The following KMT2C variants were observed in gnomAD, a reference collection of about 807,000 sequenced individuals.
The protein encoded by KMT2C is lysine methyltransferase 2C.
A neutral mutation model predicts 507.9 loss-of-function variants in KMT2C; 88 were observed. The observed-to-expected ratio is 0.17, with a 90% confidence interval of 0.15 to 0.21. KMT2C has a LOEUF of 0.21. KMT2C is among the 10% of genes least tolerant of loss of function. KMT2C has a pLI of 1.00. For missense variants in KMT2C, 4,954 were observed against 5,957.8 expected, an observed-to-expected ratio of 0.83 and a Z score of 5.55; for synonymous variants, 2,049 against 2,080.8, an observed-to-expected ratio of 0.98 and a Z score of 0.42.
chr7:152,255,113 A>ATATATATC (rs2095627675), intron 9 of KMT2C, among the ~76,000 whole-genome samples: 1 of 86,798 alleles, frequency 1.2e-5, no homozygotes, highest in Non-Finnish European at 1.9e-5. Context: ...TCTCACTTAT[A>ATATATATC]TATATATATA....
chr7:152,381,583 T>C (rs2097374523), intron 1 of KMT2C, among the ~76,000 whole-genome samples: 1 of 152,304 alleles, frequency 6.6e-6, no homozygotes, highest in African/African-American at 2.4e-5. Context: ...ATTTCTGTTC[T>C]ACAATAGAGG....
intron 3 of KMT2C, among the ~76,000 whole-genome samples, chr7:152,327,830 C>G (rs1368131757): frequency 2.0e-5 from 3 of 151,650 alleles, no homozygotes; most frequent in Admixed American, 2.0e-4. Context: ...TGGTGGCGGG[C>G]ACCTGTAGTC....
In KMT2C at chr7:152,176,578, C is replaced by T. The variant is rs1269669173; in HGVS notation, c.8875G>A (p.Ala2959Thr). The T allele has an allele frequency of 6.2e-7, 1 of 1,614,132 alleles. No individual in the cohort carries two copies. The highest frequency in any genetic ancestry group is 1.7e-5 in the Admixed American group (1 of 60,018). The part of the protein sequence containing the change: ...NHVSSLPPFI[A>T]PPGRVLDNAM... ...TTATCCAAAACACGGCCAGGCGGTGCTATGAAAGGAGGCAAACTTGACACA... is the reference window on the plus strand; with the variant it reads ...TTATCCAAAACACGGCCAGGCGGTGTTATGAAAGGAGGCAAACTTGACACA... The change falls in exon 38 of 59, where the codon GCA (alanine) becomes ACA (threonine). Residue 2959 changes from alanine to threonine, a missense_variant. Ala to Thr is a moderately conservative substitution (Grantham distance 58). This residue lies in a region of KMT2C where 1,689 missense variants were observed against 1,654.3 expected (regional missense o/e 1.02). Coordinates refer to ENST00000262189, the MANE Select transcript of KMT2C (RefSeq NM_170606.3).
At chr7:152,150,701 G>C (rs2091538144) in intron 51 of KMT2C, among the ~76,000 whole-genome samples, 199 bp downstream of exon 51, 1 of 152,068 alleles carries the variant, frequency 6.6e-6, no homozygotes, top group African/African-American at 2.4e-5. Context: ...GCCCACTTCT[G>C]TCAAATAACT....
intron 9 of KMT2C, 77 bp downstream of exon 9, chr7:152,262,939 G>A: frequency 3.9e-6 from 4 of 1,022,866 alleles, no homozygotes; most frequent in Non-Finnish European, 5.8e-6. Context: ...GTACAGATTT[G>A]AATAGGTATC....
intron 6 of KMT2C, among the ~76,000 whole-genome samples, chr7:152,290,284 ATATATATATATTTTTTTTTTTT>A (rs1201134598): frequency 2.1e-4 from 7 of 33,974 alleles, no homozygotes; most frequent in African/African-American, 9.3e-4. Flanking sequence ...ATATATATAT[ATATATATATATTTTTTTTTTTT>A]TTTTTTTTTT....
rs199796679 is a variant in KMT2C at position 152,235,930 on chromosome 7, G to A, written c.2656C>T (p.Arg886Cys). 8.1e-6 allele frequency: 13 copies of A among 1,610,260 alleles called. No homozygotes were observed. Among genetic ancestry groups the A allele is most frequent in the African/African-American group, 4.0e-5 (3 of 74,748 alleles). The change falls in exon 16 of 59, where the codon CGT (arginine) becomes TGT (cysteine). Residue 886 changes from arginine to cysteine, a missense_variant. By Grantham distance (180) the Arg-to-Cys change is radical. Coordinates refer to ENST00000262189, the MANE Select transcript of KMT2C (RefSeq NM_170606.3). ...GSAIWSIKVG[R>C]GSGFPGKRRP... is the part of the protein sequence containing the mutation. ...CGCTTTCCTGGAAATCCAGACCCAC[G>A]GCCCTATGTAACAGATTGGGAAAAG...
chr7:152,350,460 T>C (rs911127624), intron 2 of KMT2C, among the ~76,000 whole-genome samples: 2 of 152,176 alleles, frequency 1.3e-5, no homozygotes, highest in African/African-American at 4.8e-5. Flanking sequence ...ACTAAAAACC[T>C]AGGCTATTTG....
intron 19 of KMT2C, 51 bp downstream of exon 19, chr7:152,224,384 G>A (rs1239636333): frequency 1.9e-6 from 3 of 1,560,242 alleles, no homozygotes; most frequent in Admixed American, 1.7e-5. Flanking sequence ...AAAGTGGTAT[G>A]AGAAAGCTCT....
chr7:152,392,279 G>T lies in KMT2C; in HGVS notation c.162-33604C>A, dbSNP rs1793759926. Among the ~76,000 whole-genome samples the T allele has an allele frequency of 2.0e-5, 3 of 152,248 alleles. No individual in the cohort carries two copies. The South Asian group carries it at 6.2e-4, about 32-fold the overall frequency. On this transcript the variant is annotated intron_variant, in intron 1 of 58. Transcript: ENST00000262189. ...TTAGTGTAGCCACCACCTAACCACA[G>T]AAATGATCCAAACTCACATACTACT...
At chr7:152,259,237 A>G (rs955739003) in intron 9 of KMT2C, among the ~76,000 whole-genome samples, 2 of 152,182 alleles carry the variant, frequency 1.3e-5, no homozygotes, top group African/African-American at 4.8e-5. Flanking sequence ...ATCAAATGAC[A>G]TAACTGGAAT....
At chr7:152,358,722 A>C in intron 1 of KMT2C, 47 bp from the exon 2 acceptor site, 1 of 1,244,384 alleles carries the variant, frequency 8.0e-7, no homozygotes, top group Non-Finnish European at 1.1e-6. Flanking sequence ...TAAATGTTAA[A>C]TTTTAAGGCT....
chr7:152,151,362 C>T, intron 50 of KMT2C, 80 bp downstream of exon 50: 2 of 1,439,292 alleles, frequency 1.4e-6, no homozygotes, highest in Non-Finnish European at 1.9e-6. Flanking sequence ...TGGTGTCTCT[C>T]TCTGATGTTG....
intron 31 of KMT2C, 48 bp from the exon 32 acceptor site, chr7:152,187,895 A>C (rs1286673554): frequency 6.3e-7 from 1 of 1,595,772 alleles, no homozygotes; most frequent in East Asian, 2.2e-5. Flanking sequence ...ACAAGTAACA[A>C]GGAGTTGAAG....
Position 152,155,904 on chromosome 7 carries a change from C to G in KMT2C, c.11960+6G>C. On this transcript the variant is annotated splice_donor_region_variant and intron_variant, in intron 46 of 58. Coordinates refer to ENST00000262189, the MANE Select transcript of KMT2C (RefSeq NM_170606.3). ...AAGAATTATTTGAGAAAAAAATAAC[C>G]TGTACCTTAATTCTTCCTGATTGTT... 6.3e-7 allele frequency: 1 copy of G among 1,588,264 alleles called. No individual in the cohort carries two copies. Among genetic ancestry groups the G allele is most frequent in the South Asian group, 1.2e-5 (1 of 84,662 alleles).
intron 12 of KMT2C, among the ~76,000 whole-genome samples, chr7:152,250,366 A>G (rs966521040): frequency 6.6e-6 from 1 of 152,190 alleles, no homozygotes; most frequent in African/African-American, 2.4e-5. Context: ...AAATGTAACA[A>G]GTAGTTTTCC....
chr7:152,216,281 A>G (rs2094580751), intron 23 of KMT2C, among the ~76,000 whole-genome samples: 1 of 152,216 alleles, frequency 6.6e-6, no homozygotes, highest in Non-Finnish European at 1.5e-5. Context: ...AGAAAGAAGT[A>G]TGCTTTTATT....
chr7:152,191,751 T>TA (rs2093800909), intron 31 of KMT2C, among the ~76,000 whole-genome samples: 2 of 152,222 alleles, frequency 1.3e-5, no homozygotes, highest in Admixed American at 6.5e-5. Context: ...TTTGCTTCCT[T>TA]AAACAATGCC....
intron 1 of KMT2C, among the ~76,000 whole-genome samples, chr7:152,420,727 C>T (rs555371782): frequency 2.6e-5 from 4 of 151,750 alleles, no homozygotes; most frequent in South Asian, 2.1e-4. Flanking sequence ...CCCAGCTACT[C>T]GGGAAGCTGA....
Sources: gnomAD v4.1 joint callset for allele counts (sites outside exome capture counted in the v4.1 genomes callset) on GRCh38, gnomAD v4.1.1 for gene constraint, gnomAD v4.1.1 regional missense constraint, MANE v1.5 for transcripts, NCBI Gene and HGNC (gene_info 2026-07-23, HGNC 2026-07-21) for gene names.